The following GPR39 variants were observed in gnomAD, a reference collection of about 807,000 sequenced individuals.
The protein encoded by GPR39 is G protein-coupled receptor 39.
Under a neutral mutation model 18.4 loss-of-function variants are expected in GPR39, and 23 were observed. That is an observed-to-expected ratio of 1.25 (90% CI 0.90 to 1.77). The LOEUF (loss-of-function observed/expected upper bound fraction) is 1.77, where lower values mean the gene tolerates loss of function less well. Ranked by LOEUF, GPR39 falls within the 40% of genes most tolerant of loss-of-function variation. GPR39 has a pLI of 0.00. For missense variants in GPR39, 647 were observed against 602.4 expected (o/e 1.07, Z -0.78); for synonymous variants, 280 against 257.9 (o/e 1.09, Z -0.82).
chr2:132,431,106 A>C (rs756929199), intron 1 of GPR39, among the ~76,000 whole-genome samples: 2 of 152,126 alleles, frequency 1.3e-5, no homozygotes, highest in Non-Finnish European at 2.9e-5. Flanking sequence ...CCTGCCTTGT[A>C]AGCTGACTCA....
chr2:132,590,630 A>T (rs1004857905), intron 1 of GPR39, among the ~76,000 whole-genome samples: 1 of 152,118 alleles, frequency 6.6e-6, no homozygotes, highest in Non-Finnish European at 1.5e-5. Context: ...AGAGACTGTA[A>T]AAAGAGTCAC....
rs2104760530 is a variant in GPR39, at chr2:132,433,748, TGCTATTACTACA to T, written c.856+15856_856+15867del. The T allele has an allele frequency of 2.0e-5, 3 of 148,868 alleles. 1 individual carries two copies. Among genetic ancestry groups the T allele is most frequent in the Admixed American group, 2.0e-4 (3 of 15,156 alleles). 9.2% of individuals were successfully genotyped at this position (148,868 alleles called of 1,614,324 possible). ...GCAAAAAGTGTGAGGTTGTCATGCC[TGCTATTACTACA>T]GCTATGCCAGCAGGCATGACAACCT... On this transcript the variant is annotated intron_variant, in intron 1 of 1. Transcript: ENST00000329321.
chr2:132,630,966 T>A (rs1681640524), intron 1 of GPR39, among the ~76,000 whole-genome samples: 1 of 152,152 alleles, frequency 6.6e-6, no homozygotes, highest in Admixed American at 6.5e-5. Context: ...GCTGTGATGT[T>A]GAGTAAGTAG....
chr2:132,477,823 C>G (rs923910445), intron 1 of GPR39, among the ~76,000 whole-genome samples: 1 of 152,200 alleles, frequency 6.6e-6, no homozygotes, highest in Non-Finnish European at 1.5e-5. Context: ...AATTGCCTTT[C>G]TCTTTTCATC....
rs537266230 is a variant in GPR39, at chr2:132,590,990, G to A, written c.857-54111G>A. On this transcript the variant is annotated intron_variant, in intron 1 of 1. Coordinates refer to ENST00000329321, the MANE Select transcript of GPR39 (RefSeq NM_001508.3). Reference sequence around the variant, plus strand: ...GAACAGGCCGGGCGCGGTGGCTCACGCCTGTAATCCCAGCACTTTGGGAGG... The same window carrying A: ...GAACAGGCCGGGCGCGGTGGCTCACACCTGTAATCCCAGCACTTTGGGAGG... Among the ~76,000 whole-genome samples the A allele has an allele frequency of 5.3e-5, 8 of 152,016 alleles. No homozygotes were observed. In the South Asian group the frequency reaches 1.2e-3, roughly 24 times the overall value.
At chr2:132,564,795 A>AT (rs1277325609) in intron 1 of GPR39, among the ~76,000 whole-genome samples, 4 of 87,554 alleles carry the variant, frequency 4.6e-5, no homozygotes, top group African/African-American at 1.2e-4. Flanking sequence ...TTTAATAACT[A>AT]TTTTTTTCTT....
chr2:132,514,887 A>G (rs1679304584), intron 1 of GPR39, among the ~76,000 whole-genome samples: 1 of 152,174 alleles, frequency 6.6e-6, no homozygotes, highest in Admixed American at 6.5e-5. Context: ...TAACAATCTT[A>G]ATACTCTAGC....
intron 1 of GPR39, among the ~76,000 whole-genome samples, chr2:132,536,204 A>AT (rs1200173284): frequency 6.6e-6 from 1 of 152,196 alleles, no homozygotes; most frequent in Admixed American, 6.5e-5. Flanking sequence ...TGATAAGGGC[A>AT]TTTAGTGCTA....
intron 1 of GPR39, among the ~76,000 whole-genome samples, chr2:132,520,146 C>T (rs1299898627): frequency 1.3e-5 from 2 of 152,166 alleles, no homozygotes; most frequent in African/African-American, 4.8e-5. Flanking sequence ...TTCCTCCCCT[C>T]TTTTGGCTTC....
chr2:132,646,437 T>C lies in GPR39; in HGVS notation c.*831T>C, dbSNP rs1019127157. 4 of 423,416 alleles carry C rather than the reference T, an allele frequency of 9.4e-6. No individual in the cohort carries two copies. The highest frequency in any genetic ancestry group is 1.7e-5 in the Non-Finnish European group (4 of 240,636). 26.2% of individuals were successfully genotyped at this position (423,416 alleles called of 1,614,324 possible). A position where few individuals can be genotyped will look rare whatever the true frequency, so the allele number is the denominator to read the frequency against. On this transcript the variant is annotated 3_prime_UTR_variant, in exon 2 of 2. Transcript: ENST00000329321. ...AGTGCTTCGGATTGTCTCATTGATATTCAAGATAGATGGTGAAAGAGACAG... is the reference window on the plus strand; with the variant it reads ...AGTGCTTCGGATTGTCTCATTGATACTCAAGATAGATGGTGAAAGAGACAG...
chr2:132,636,236 C>T (rs532300403), intron 1 of GPR39, among the ~76,000 whole-genome samples: 21 of 152,300 alleles, frequency 1.4e-4, no homozygotes, highest in Middle Eastern at 3.4e-3. Context: ...TCTTCTGGGA[C>T]GGTTCAGCTG....
In GPR39 at chr2:132,616,724, A is replaced by G. The variant is rs1468677833; in HGVS notation, c.857-28377A>G. Among the ~76,000 whole-genome samples, 4 of 152,218 alleles carry G rather than the reference A, an allele frequency of 2.6e-5. No homozygotes were observed. The East Asian group carries it at 7.7e-4, about 29-fold the overall frequency. ...TGAGGGCCAAGACTGGGCTTGCCTCAGTGCTTTTGTGCAGTGTTTTAATGG... is the reference window on the plus strand; with the variant it reads ...TGAGGGCCAAGACTGGGCTTGCCTCGGTGCTTTTGTGCAGTGTTTTAATGG... On this transcript the variant is annotated intron_variant, in intron 1 of 1. Transcript: ENST00000329321.
At chr2:132,482,806 T>A (rs183592236) in intron 1 of GPR39, among the ~76,000 whole-genome samples, 3 of 152,382 alleles carry the variant, frequency 2.0e-5, no homozygotes, top group Admixed American at 6.5e-5. Context: ...TTTATAACAA[T>A]GTCTGTTTCT....
At chr2:132,605,157 C>T (rs1681112069) in intron 1 of GPR39, among the ~76,000 whole-genome samples, 1 of 152,172 alleles carries the variant, frequency 6.6e-6, no homozygotes, top group African/African-American at 2.4e-5. Flanking sequence ...CAGCCCGACA[C>T]CAGACCCTGT....
chr2:132,422,618 A>G (rs1680035379), intron 1 of GPR39, among the ~76,000 whole-genome samples: 2 of 152,070 alleles, frequency 1.3e-5, no homozygotes, highest in African/African-American at 4.8e-5. Context: ...ACATTAAATT[A>G]GTGACTTTTT....
chr2:132,578,324 T>C (rs185416374), intron 1 of GPR39, among the ~76,000 whole-genome samples: 1 of 152,254 alleles, frequency 6.6e-6, no homozygotes, highest in African/African-American at 2.4e-5. Context: ...ACAATCCACA[T>C]TGGTTTTTAG....
chr2:132,633,861 C>T (rs753377584), intron 1 of GPR39, among the ~76,000 whole-genome samples: 23 of 149,754 alleles, frequency 1.5e-4, no homozygotes, highest in Non-Finnish European at 2.2e-4. Flanking sequence ...GGGGTGGTAG[C>T]GGCATTGGTG....
chr2:132,454,740 CAT>C (rs912700403), intron 1 of GPR39, among the ~76,000 whole-genome samples: 112 of 152,188 alleles, frequency 7.4e-4, no homozygotes, highest in African/African-American at 2.6e-3. Context: ...TTGAGATAAT[CAT>C]GTGGTTTTTG....
At position 132,646,074 on chromosome 2, in the gene GPR39, T is replaced by C. The variant is rs139508764; in HGVS notation, c.*468T>C. 5.0e-4 allele frequency: 802 copies of C among 1,591,984 alleles called. 5 individuals are homozygous for C. The African/African-American group carries it at 9.4e-3, about 19-fold the overall frequency. On this transcript the variant is annotated 3_prime_UTR_variant, in exon 2 of 2. Transcript: ENST00000329321. ...CAGTGTGCCGAGAAGAGGGCTAATT[T>C]GAGGAACAGGATGGTGGTGCGGAGC... is the stretch of plus-strand genomic sequence containing the variant.
Sources: gnomAD v4.1 joint callset for allele counts (sites outside exome capture counted in the v4.1 genomes callset) on GRCh38, gnomAD v4.1.1 for gene constraint, MANE v1.5 for transcripts, NCBI Gene and HGNC (gene_info 2026-07-23, HGNC 2026-07-21) for gene names.